The following ARPC2 variants were observed in gnomAD, a reference collection of about 807,000 sequenced individuals.
The protein encoded by ARPC2 is actin-related protein 2/3 complex subunit 2.
A neutral mutation model predicts 38.6 loss-of-function variants in ARPC2; 4 were observed. The ratio of observed to expected loss-of-function variants is 0.10; its 90% CI spans 0.05 to 0.24. The LOEUF is 0.24. Among genes scored for constraint, ARPC2 ranks in the 10% least tolerant of loss-of-function variants. ARPC2 has a pLI of 1.00. For missense variants in ARPC2, 229 were observed against 387.3 expected, an observed-to-expected ratio of 0.59 and a Z score of 3.43; for synonymous variants, 125 against 140.8, an observed-to-expected ratio of 0.89 and a Z score of 0.79.
At chr2:218,236,932 C>T (rs1012525867) in intron 5 of ARPC2, among the ~76,000 whole-genome samples, 5 of 152,122 alleles carry the variant, frequency 3.3e-5, no homozygotes, top group African/African-American at 1.2e-4. Context: ...TAAAATGATC[C>T]TCAGTGATGT....
At chr2:218,240,739 A>G (rs1337361533) in intron 7 of ARPC2, among the ~76,000 whole-genome samples, 1 of 152,070 alleles carries the variant, frequency 6.6e-6, no homozygotes, top group African/African-American at 2.4e-5. Flanking sequence ...AAAAAATACA[A>G]AAAATTAGCC....
At chr2:218,218,197 C>T (rs1271807167) in intron 2 of ARPC2, among the ~76,000 whole-genome samples, 8 of 152,192 alleles carry the variant, frequency 5.3e-5, no homozygotes, top group Admixed American at 2.0e-4. Flanking sequence ...ACACCCCTTC[C>T]TTATCTCTCC....
rs1480831718 is a variant in ARPC2 at position 218,238,661 on chromosome 2, C to T, written c.269-3C>T. ...TTGTTTCTTGTTTTTTCTTTCCCTC[C>T]AGGATACAATGTCTCTTTGCTATAT... On this transcript the variant is annotated splice_region_variant and splice_polypyrimidine_tract_variant and intron_variant, in intron 5 of 10. Transcript: ENST00000315717. The T allele has an allele frequency of 6.4e-7, 1 of 1,561,072 alleles. No individual in the cohort carries two copies. Among genetic ancestry groups the T allele is most frequent in the Non-Finnish European group, 8.7e-7 (1 of 1,148,408 alleles).
chr2:218,249,049 A>G (rs1690116346), intron 8 of ARPC2, among the ~76,000 whole-genome samples: 1 of 152,210 alleles, frequency 6.6e-6, no homozygotes, highest in Admixed American at 6.5e-5. Flanking sequence ...CTGCAGAGGC[A>G]AGAGCTAGTA....
intron 5 of ARPC2, among the ~76,000 whole-genome samples, chr2:218,238,398 T>C (rs574878398): frequency 6.8e-4 from 103 of 152,280 alleles, no homozygotes; most frequent in African/African-American, 2.4e-3. Context: ...ACATTAATTA[T>C]ATATATTTAC....
At chr2:218,250,053 T>C in intron 10 of ARPC2, 132 bp downstream of exon 10, 2 of 714,428 alleles carry the variant, frequency 2.8e-6, no homozygotes, top group Non-Finnish European at 4.5e-6. Flanking sequence ...GCTAAGTAGA[T>C]AAACCAAAGG....
rs773762403 is a variant in ARPC2, at chr2:218,253,938, C to T, written c.*23C>T. Reference sequence around the variant, plus strand: ...TAATCTTGGGAATAAGAGGAGGAAGCGGCTGGCAACTGAAGGCTGGAACAC... The same window carrying T: ...TAATCTTGGGAATAAGAGGAGGAAGTGGCTGGCAACTGAAGGCTGGAACAC... On this transcript the variant is annotated 3_prime_UTR_variant, in exon 11 of 11. Coordinates refer to ENST00000315717, the MANE Select transcript of ARPC2 (RefSeq NM_152862.3). 1.1e-5 allele frequency: 18 copies of T among 1,613,700 alleles called. No homozygotes were observed. Among genetic ancestry groups the T allele is most frequent in the African/African-American group, 2.7e-5 (2 of 74,976 alleles).
intron 2 of ARPC2, among the ~76,000 whole-genome samples, chr2:218,224,305 C>T (rs1380682954): frequency 6.6e-6 from 1 of 152,100 alleles, no homozygotes; most frequent in African/African-American, 2.4e-5. Context: ...CTCAGCCCTT[C>T]TTTGGCTGAA....
chr2:218,238,598 T>TG lies in ARPC2; in HGVS notation c.269-66_269-65insG. The TG allele has an allele frequency of 4.2e-6, 4 of 944,274 alleles. No homozygotes were observed. The East Asian group carries it at 1.1e-4, about 26-fold the overall frequency. The allele number at this position is 944,274 out of a possible 1,614,324, so 58.5% of individuals were successfully genotyped here. A position where few individuals can be genotyped will look rare whatever the true frequency, so the allele number is the denominator to read the frequency against. On this transcript the variant is annotated intron_variant, in intron 5 of 10. Coordinates refer to ENST00000315717, the MANE Select transcript of ARPC2 (RefSeq NM_152862.3). Reference sequence around the variant, plus strand: ...GTATAGATAGTATGCTGCTTTTTTTTTTTTTTTTTTTTTTAAATGTAACTG... The same window carrying TG: ...GTATAGATAGTATGCTGCTTTTTTTTGTTTTTTTTTTTTTTAAATGTAACTG...
rs780978675 is a variant in ARPC2, at chr2:218,253,997, G to T, written c.*82G>T. On this transcript the variant is annotated 3_prime_UTR_variant, in exon 11 of 11. Coordinates refer to ENST00000315717, the MANE Select transcript of ARPC2 (RefSeq NM_152862.3). ...GGATAATCGTAGCTTTTAATGTTGC[G>T]CCTCTTCAGGTTCTTAAGGGATTCT... The T allele has an allele frequency of 6.4e-7, 1 of 1,570,360 alleles. No individual in the cohort carries two copies. The highest frequency in any genetic ancestry group is 1.4e-5 in the African/African-American group (1 of 73,580).
intron 2 of ARPC2, among the ~76,000 whole-genome samples, chr2:218,221,782 C>T (rs1241933085): frequency 6.6e-6 from 1 of 152,166 alleles, no homozygotes; most frequent in African/African-American, 2.4e-5. Flanking sequence ...TGATATATGG[C>T]TTAGTGGAGA....
At chr2:218,230,413 T>C (rs536695904) in intron 4 of ARPC2, among the ~76,000 whole-genome samples, 62 of 137,100 alleles carry the variant, frequency 4.5e-4, no homozygotes, top group African/African-American at 1.7e-3. Flanking sequence ...CACCTCAGCC[T>C]CCTGAGTGTC....
intron 3 of ARPC2, among the ~76,000 whole-genome samples, chr2:218,227,855 G>C (rs1689538764): frequency 6.6e-6 from 1 of 152,182 alleles, no homozygotes; most frequent in African/African-American, 2.4e-5. Flanking sequence ...GCCTCCCAAA[G>C]TTAACAGGCT....
chr2:218,221,370 A>G (rs1166351873), intron 2 of ARPC2, among the ~76,000 whole-genome samples: 6 of 152,240 alleles, frequency 3.9e-5, no homozygotes, highest in Non-Finnish European at 8.8e-5. Context: ...ATATGTCCTC[A>G]GAGAGACAGG....
rs566541227 is a variant in ARPC2, at chr2:218,220,442, G to A, written c.74+2898G>A. ...CATTTCTGGTGCTCATTTGCCACATGTGGCTGGTAGCTGTTGTATTTAGCA... is the reference window on the plus strand; with the variant it reads ...CATTTCTGGTGCTCATTTGCCACATATGGCTGGTAGCTGTTGTATTTAGCA... On this transcript the variant is annotated intron_variant, in intron 2 of 10. Coordinates refer to ENST00000315717, the MANE Select transcript of ARPC2 (RefSeq NM_152862.3). 2.6e-5 allele frequency among the ~76,000 whole-genome samples: 4 copies of A among 152,328 alleles called. No homozygotes were observed. The South Asian group carries it at 8.3e-4, about 32-fold the overall frequency.
Position 218,239,344 on chromosome 2 carries a change from C to T in ARPC2, c.456-47C>T, listed in dbSNP as rs373162620. 8.7e-6 allele frequency: 12 copies of T among 1,371,760 alleles called. No homozygotes were observed. The African/African-American group carries it at 1.7e-4, about 20-fold the overall frequency. The allele number at this position is 1,371,760 out of a possible 1,614,324, so 85.0% of individuals were successfully genotyped here. ...CTTGTAGATCAAGTTATTGACAAAA[C>T]CCCATTCTGATTCTGTACTTATCCT... On this transcript the variant is annotated intron_variant, in intron 6 of 10. Transcript: ENST00000315717.
Position 218,217,454 on chromosome 2 carries a change from T to C in ARPC2, c.-8-9T>C, listed in dbSNP as rs1559472915. Reference sequence around the variant, plus strand: ...CACCGGCCCTTGTTTCTCCTTCCCCTGGGGGCAGCCGCCGCCATGATCCTG... The same window carrying C: ...CACCGGCCCTTGTTTCTCCTTCCCCCGGGGGCAGCCGCCGCCATGATCCTG... On this transcript the variant is annotated splice_polypyrimidine_tract_variant and intron_variant, in intron 1 of 10. Coordinates refer to ENST00000315717, the MANE Select transcript of ARPC2 (RefSeq NM_152862.3). 1.2e-6 allele frequency: 2 copies of C among 1,611,408 alleles called. No homozygotes were observed. The highest frequency in any genetic ancestry group is 2.2e-5 in the East Asian group (1 of 44,736).
intron 8 of ARPC2, among the ~76,000 whole-genome samples, chr2:218,248,415 A>C (rs185120572): frequency 6.3e-4 from 96 of 152,342 alleles, no homozygotes; most frequent in Non-Finnish European, 9.3e-4. Flanking sequence ...AAACCAGGGC[A>C]AGAGGGGCAT....
intron 4 of ARPC2, among the ~76,000 whole-genome samples, chr2:218,229,898 G>T (rs1446208973): frequency 6.6e-6 from 1 of 151,916 alleles, no homozygotes; most frequent in Non-Finnish European, 1.5e-5. Context: ...GAATTGTTTT[G>T]TAAAAGATAG....
Sources: allele counts gnomAD v4.1 joint callset (sites outside exome capture counted in the v4.1 genomes callset), GRCh38; gene constraint gnomAD v4.1.1; transcripts MANE v1.5; gene names NCBI Gene and HGNC (gene_info 2026-07-23, HGNC 2026-07-21).